Variants in HPGD observed in about 807,000 individuals in gnomAD.
HPGD encodes the protein 15-hydroxyprostaglandin dehydrogenase.
Under a neutral mutation model 30.0 loss-of-function variants are expected in HPGD, and 29 were observed. That is an observed-to-expected ratio of 0.97 (90% CI 0.72 to 1.32). The LOEUF (loss-of-function observed/expected upper bound fraction) is 1.32, where lower values mean the gene tolerates loss of function less well. Ranked by LOEUF, HPGD falls within the 40% of genes most tolerant of loss-of-function variation. HPGD has a pLI of 0.00. For synonymous variants in HPGD, 99 were observed against 112.4 expected, an observed-to-expected ratio of 0.88 and a Z score of 0.75; for missense variants, 340 against 322.1, an observed-to-expected ratio of 1.06 and a Z score of -0.43.
chr4:174,518,359 T>C (rs1235617134), intron 2 of HPGD, among the ~76,000 whole-genome samples: 1 of 152,198 alleles, frequency 6.6e-6, no homozygotes, highest in Non-Finnish European at 1.5e-5. Context: ...TGTATGCACA[T>C]TGAAGTTCTA....
chr4:174,517,896 C>T (rs1735871725), intron 3 of HPGD, 75 bp downstream of exon 3: 1 of 812,958 alleles, frequency 1.2e-6, no homozygotes, highest in Non-Finnish European at 2.1e-6. Flanking sequence ...TCCATGACTC[C>T]AAGAACCTTT....
chr4:174,499,844 C>G (rs1171986988), intron 4 of HPGD, among the ~76,000 whole-genome samples: 1 of 148,484 alleles, frequency 6.7e-6, no homozygotes, highest in Non-Finnish European at 1.5e-5. Flanking sequence ...CTGGAAAACT[C>G]CAGAGATATA....
intron 3 of HPGD, among the ~76,000 whole-genome samples, chr4:174,509,490 A>G (rs1400964621): frequency 1.3e-5 from 2 of 152,202 alleles, no homozygotes. Context: ...TCAGCTAGAG[A>G]TGGGAACAGG....
At chr4:174,510,547 T>G (rs1735434531) in intron 3 of HPGD, among the ~76,000 whole-genome samples, 1 of 152,248 alleles carries the variant, frequency 6.6e-6, no homozygotes. Flanking sequence ...TGAAGCCAGA[T>G]AGAAAATTTG....
chr4:174,501,941 G>A (rs1004130329), intron 4 of HPGD, among the ~76,000 whole-genome samples: 1 of 152,140 alleles, frequency 6.6e-6, no homozygotes, highest in Non-Finnish European at 1.5e-5. Flanking sequence ...AGACAGGGCA[G>A]TCATACTAAA....
At chr4:174,514,643 A>G (rs1337908291) in intron 3 of HPGD, among the ~76,000 whole-genome samples, 1 of 152,164 alleles carries the variant, frequency 6.6e-6, no homozygotes, top group Non-Finnish European at 1.5e-5. Flanking sequence ...CATATTCAAC[A>G]TAGTACTGGA....
intron 4 of HPGD, among the ~76,000 whole-genome samples, chr4:174,501,191 C>T (rs182262293): frequency 8.5e-4 from 130 of 152,142 alleles, no homozygotes; most frequent in African/African-American, 2.9e-3. Context: ...GGAATTTTAC[C>T]GGTTGAAGAG....
intron 4 of HPGD, among the ~76,000 whole-genome samples, chr4:174,505,760 G>A (rs777040890): frequency 3.9e-5 from 6 of 152,228 alleles, no homozygotes; most frequent in Non-Finnish European, 2.9e-5. Flanking sequence ...CAAGAGGTGC[G>A]GAGGCTGGAA....
rs1248809492 is a variant in HPGD at position 174,522,069 on chromosome 4, T to A, written c.94-2A>T. 4 of 1,614,060 alleles carry A rather than the reference T, an allele frequency of 2.5e-6. No individual in the cohort carries two copies. The highest frequency in any genetic ancestry group is 4.5e-5 in the East Asian group (2 of 44,888). ...AAGATTCCAATCCACCAGCGCTACC[T>A]ATAGACAAGAGGAGAGGAATCGCGG... On this transcript the variant is annotated splice_acceptor_variant, in intron 1 of 6. Coordinates refer to ENST00000296522, the MANE Select transcript of HPGD (RefSeq NM_000860.6). LOFTEE classifies it high-confidence loss of function.
chr4:174,520,598 T>C (rs931601731), intron 2 of HPGD, among the ~76,000 whole-genome samples: 2 of 152,216 alleles, frequency 1.3e-5, no homozygotes, highest in Non-Finnish European at 2.9e-5. Context: ...TCATTTATCC[T>C]TAAGGAATGA....
At position 174,522,353 on chromosome 4, in the gene HPGD, G is replaced by A. The variant is rs1297324858; in HGVS notation, c.93+6C>T. ...AGAAATTTCCGCGGCTGGGCGCCGG[G>A]CTTACCTTGGCGCCCTTAAGCAGCA... On this transcript the variant is annotated splice_donor_region_variant and intron_variant, in intron 1 of 6. Coordinates refer to ENST00000296522, the MANE Select transcript of HPGD (RefSeq NM_000860.6). 1 of 1,557,016 alleles carries A rather than the reference G, an allele frequency of 6.4e-7. No homozygotes were observed.
At chr4:174,508,482 T>C (rs1735294283) in intron 4 of HPGD, among the ~76,000 whole-genome samples, 1 of 152,144 alleles carries the variant, frequency 6.6e-6, no homozygotes, top group South Asian at 2.1e-4. Context: ...ATTACTGCAG[T>C]AAGATAACTT....
intron 2 of HPGD, among the ~76,000 whole-genome samples, chr4:174,520,548 C>T (rs146900646): frequency 4.6e-5 from 7 of 152,292 alleles, no homozygotes; most frequent in East Asian, 3.9e-4. Flanking sequence ...CATGCCTTCC[C>T]GGGTCACTTA....
At chr4:174,515,791 C>T (rs1217563604) in intron 3 of HPGD, among the ~76,000 whole-genome samples, 1 of 151,732 alleles carries the variant, frequency 6.6e-6, no homozygotes, top group African/African-American at 2.4e-5. Flanking sequence ...AACCAAACAA[C>T]CCCATTAAAA....
chr4:174,522,278 TCCG>T, intron 1 of HPGD, 78 bp downstream of exon 1: 1 of 1,427,244 alleles, frequency 7.0e-7, no homozygotes. Context: ...CCTCCCTGTC[TCCG>T]CCAGTGCACC....
chr4:174,492,223 C>T lies in HPGD; in HGVS notation c.663-129G>A. The T allele has an allele frequency of 3.8e-6, 3 of 788,982 alleles. No individual in the cohort carries two copies. Among genetic ancestry groups the T allele is most frequent in the Non-Finnish European group, 4.2e-6 (2 of 472,284 alleles). The allele number at this position is 788,982 out of a possible 1,614,324, so 48.9% of individuals were successfully genotyped here. On this transcript the variant is annotated intron_variant, in intron 6 of 6. Coordinates refer to ENST00000296522, the MANE Select transcript of HPGD (RefSeq NM_000860.6). This position sits in a 1 kb window ranked among gnomAD's most constrained non-coding sequence, Gnocchi z 4.9. Reference sequence around the variant, plus strand: ...GGAAATGTGTGTCATTAAACTATTGCTACTTCCAATTTTTATTTAATTCCA... The same window carrying T: ...GGAAATGTGTGTCATTAAACTATTGTTACTTCCAATTTTTATTTAATTCCA...
chr4:174,497,163 T>C (rs1473856108), intron 4 of HPGD, among the ~76,000 whole-genome samples: 1 of 152,186 alleles, frequency 6.6e-6, no homozygotes, highest in Non-Finnish European at 1.5e-5. Context: ...ACAATGTTCA[T>C]ATATAGCAGG....
rs45561537 is a variant in HPGD at position 174,502,582 on chromosome 4, G to T, written c.421+6114C>A. 5.9e-3 allele frequency among the ~76,000 whole-genome samples: 890 copies of T among 151,268 alleles called. 3 individuals carry two copies. The highest frequency in any genetic ancestry group is 0.02 in the African/African-American group (834 of 41,136). On this transcript the variant is annotated intron_variant, in intron 4 of 6. Coordinates refer to ENST00000296522, the MANE Select transcript of HPGD (RefSeq NM_000860.6). ...AGTCTCAGCTACTCAGGAGGCTGAG[G>T]CAGGAGAATGGCGTGAACCCGAAAG...
At chr4:174,511,771 T>C (rs1456216291) in intron 3 of HPGD, among the ~76,000 whole-genome samples, 4 of 152,162 alleles carry the variant, frequency 2.6e-5, no homozygotes, top group Non-Finnish European at 5.9e-5. Flanking sequence ...CTCAGCCTCC[T>C]GAATAACTGG....
Sources: allele counts gnomAD v4.1 joint callset (sites outside exome capture counted in the v4.1 genomes callset), GRCh38; gene constraint gnomAD v4.1.1; non-coding constraint Gnocchi (gnomAD v3.1); transcripts MANE v1.5; gene names NCBI Gene and HGNC (gene_info 2026-07-23, HGNC 2026-07-21).